The following CUL5 variants were observed in gnomAD, a reference collection of about 807,000 sequenced individuals.
CUL5 encodes cullin-5.
In CUL5, 26 loss-of-function variants were observed where a neutral mutation model predicts 108.8. The ratio of observed to expected loss-of-function variants is 0.24; its 90% CI spans 0.18 to 0.33. The LOEUF is 0.33. CUL5 is among the 10% of genes least tolerant of loss of function. The pLI is 1.00. For missense variants in CUL5, 524 were observed against 909.2 expected (o/e 0.58, Z 5.45); for synonymous variants, 334 against 298.0 (o/e 1.12, Z -1.25).
chr11:108,074,031 G>A (rs988000441), intron 10 of CUL5: 4 of 152,024 alleles, frequency 2.6e-5, no homozygotes, highest in African/African-American at 9.7e-5. Context: ...CCTTAGCATT[G>A]TATCTTTTTT....
At chr11:108,088,012 C>T (rs1864263874) in intron 11 of CUL5, among the ~76,000 whole-genome samples, 2 of 150,870 alleles carry the variant, frequency 1.3e-5, no homozygotes, top group African/African-American at 4.9e-5. Context: ...AATGGAGATA[C>T]AAATTCTTTA....
chr11:108,102,078 A>G (rs190467140), intron 18 of CUL5, among the ~76,000 whole-genome samples: 146 of 149,110 alleles, frequency 9.8e-4, no homozygotes, highest in Non-Finnish European at 1.2e-3. Flanking sequence ...CTGGGGTGCA[A>G]TGGTGTGATC....
intron 1 of CUL5, among the ~76,000 whole-genome samples, chr11:108,011,371 A>C (rs1862053285): frequency 6.6e-6 from 1 of 152,166 alleles, no homozygotes. Flanking sequence ...GGAAATTCTG[A>C]ATCTACATCC....
intron 4 of CUL5, among the ~76,000 whole-genome samples, chr11:108,050,588 G>T (rs951525830): frequency 6.6e-6 from 1 of 151,916 alleles, no homozygotes; most frequent in Non-Finnish European, 1.5e-5. Flanking sequence ...GGCTCGTCTC[G>T]AACTCCTGAC....
At chr11:108,073,903 G>C (rs1373429862) in intron 10 of CUL5, 1 of 155,126 alleles carries the variant, frequency 6.4e-6, no homozygotes, top group East Asian at 1.9e-4. Flanking sequence ...TCCTTTCATG[G>C]GACTCCTTCG....
intron 1 of CUL5, among the ~76,000 whole-genome samples, chr11:108,027,945 T>A (rs555995506): frequency 6.6e-6 from 1 of 152,322 alleles, no homozygotes; most frequent in Admixed American, 6.5e-5. Flanking sequence ...GTGCTCTGGT[T>A]GCTCTCTTTG....
At chr11:108,081,423 C>A (rs1864080013) in intron 11 of CUL5, among the ~76,000 whole-genome samples, 1 of 151,960 alleles carries the variant, frequency 6.6e-6, no homozygotes, top group Non-Finnish European at 1.5e-5. Context: ...CCCAATTGTT[C>A]CAGCATTCAT....
Position 108,104,195 on chromosome 11 carries a change from T to A in CUL5, c.2154T>A (p.Ala718=), listed in dbSNP as rs776425758. The change falls in exon 19 of 19, where the codon GCT becomes GCA. Residue 718 remains alanine (A), a synonymous_variant. Coordinates refer to ENST00000393094, the MANE Select transcript of CUL5 (RefSeq NM_003478.6). The part of the protein sequence containing the change: ...VQLRILRTQE[A]IIQIMKMRKK... ...ATTTTTATTTTTTCTTTTAGGAAGC[T>A]ATCATACAAATAATGAAAATGAGAA... The A allele has an allele frequency of 7.1e-6, 11 of 1,553,608 alleles. No individual in the cohort carries two copies. In the African/African-American group the frequency reaches 1.5e-4, roughly 22 times the overall value.
At chr11:108,013,704 C>G (rs1862111949) in intron 1 of CUL5, among the ~76,000 whole-genome samples, 1 of 152,114 alleles carries the variant, frequency 6.6e-6, no homozygotes, top group Non-Finnish European at 1.5e-5. Flanking sequence ...ATGATTCATA[C>G]TACTTTTCTC....
intron 1 of CUL5, among the ~76,000 whole-genome samples, chr11:108,018,667 T>C (rs1862259794): frequency 6.6e-6 from 1 of 151,920 alleles, no homozygotes; most frequent in South Asian, 2.1e-4. Flanking sequence ...GGAGTGAGAC[T>C]GTGTCTTAAA....
At chr11:108,067,926 T>TC (rs1226981258) in intron 7 of CUL5, among the ~76,000 whole-genome samples, 2 of 151,768 alleles carry the variant, frequency 1.3e-5, no homozygotes, top group Non-Finnish European at 1.5e-5. Context: ...TCTTTATTTT[T>TC]CTTTTTTTTT....
rs1344812542 is a variant in CUL5 at position 108,033,844 on chromosome 11, C to T, written c.67C>T (p.Arg23Cys). Residue 23 changes from arginine (R) to cysteine (C), a missense_variant, in exon 2 of 19, where the codon CGC becomes TGC. Coordinates refer to ENST00000393094, the MANE Select transcript of CUL5 (RefSeq NM_003478.6). ...GTTTGAAGACAAATGGGATTTTATG[C>T]GCCCGATTGTTTTGAAGCTTTTACG... The part of the protein sequence containing the change: ...LQFEDKWDFM[R>C]PIVLKLLRQE... 4 of 1,611,758 alleles carry T rather than the reference C, an allele frequency of 2.5e-6. No individual in the cohort carries two copies. Among genetic ancestry groups the T allele is most frequent in the South Asian group, 1.1e-5 (1 of 90,852 alleles).
intron 1 of CUL5, among the ~76,000 whole-genome samples, chr11:108,014,985 A>G (rs1021126783): frequency 3.9e-5 from 6 of 152,040 alleles, no homozygotes; most frequent in South Asian, 4.2e-4. Flanking sequence ...TGCAACCTCC[A>G]CCTCCTGGGT....
rs553379499 is a variant in CUL5, at chr11:108,070,174, A to C, written c.859A>C (p.Arg287=). The C allele has an allele frequency of 6.2e-7, 1 of 1,611,296 alleles. No individual in the cohort carries two copies. Residue 287 remains arginine, a synonymous_variant, in exon 8 of 19, where the codon AGA becomes CGA. Transcript: ENST00000393094. The part of the protein sequence containing the change: ...ILAECQGMIK[R]NETEKLHLMF... ...AGCTGAGTGCCAAGGCATGATCAAGAGAAATGAAACTGAAAGTAGGTAAAA... is the reference window on the plus strand; with the variant it reads ...AGCTGAGTGCCAAGGCATGATCAAGCGAAATGAAACTGAAAGTAGGTAAAA...
Position 108,107,627 on chromosome 11 carries a change from A to G in CUL5, c.*3243A>G, listed in dbSNP as rs1864832555. The G allele has an allele frequency of 6.6e-6, 1 of 152,656 alleles. No individual in the cohort carries two copies. Among genetic ancestry groups the G allele is most frequent in the African/African-American group, 2.4e-5 (1 of 41,466 alleles). The allele number at this position is 152,656 out of a possible 1,614,324, so 9.5% of individuals were successfully genotyped here. On this transcript the variant is annotated 3_prime_UTR_variant, in exon 19 of 19. Coordinates refer to ENST00000393094, the MANE Select transcript of CUL5 (RefSeq NM_003478.6). ...TGTGCCACTACATACTGAGATGATAATGCTGTACAATTTTAAGTGGTAGCA... is the reference window on the plus strand; with the variant it reads ...TGTGCCACTACATACTGAGATGATAGTGCTGTACAATTTTAAGTGGTAGCA...
At chr11:108,046,132 G>A (rs528870888) in intron 2 of CUL5, 138 bp from the exon 3 acceptor site, 1 of 488,980 alleles carries the variant, frequency 2.0e-6, no homozygotes, top group Non-Finnish European at 3.6e-6. Flanking sequence ...AAGCGTACTT[G>A]GTTTATATGA....
At chr11:108,035,957 C>T (rs762825756) in intron 2 of CUL5, among the ~76,000 whole-genome samples, 4 of 152,136 alleles carry the variant, frequency 2.6e-5, no homozygotes, top group Non-Finnish European at 5.9e-5. Flanking sequence ...AGCCAAGATA[C>T]TGCAGGCTCG....
intron 5 of CUL5, among the ~76,000 whole-genome samples, chr11:108,054,434 A>G (rs756475449): frequency 1.4e-4 from 21 of 152,154 alleles, no homozygotes; most frequent in Non-Finnish European, 2.4e-4. Context: ...AAAATAGTCT[A>G]TATTATCTGT....
chr11:108,098,833 A>G (rs1864566903), intron 18 of CUL5, among the ~76,000 whole-genome samples: 1 of 152,090 alleles, frequency 6.6e-6, no homozygotes. Flanking sequence ...AAAGTTCTCT[A>G]ATATTCATTT....
Sources: gnomAD v4.1 joint callset for allele counts (sites outside exome capture counted in the v4.1 genomes callset) on GRCh38, gnomAD v4.1.1 for gene constraint, MANE v1.5 for transcripts, NCBI Gene and HGNC (gene_info 2026-07-23, HGNC 2026-07-21) for gene names.